EPB41L2: variants seen among roughly 807,000 people sequenced by gnomAD.
EPB41L2 encodes erythrocyte membrane protein band 4.1 like 2, also known as band 4.1-like protein 2.
Under a neutral mutation model 113.0 loss-of-function variants are expected in EPB41L2, and 43 were observed. The ratio of observed to expected loss-of-function variants is 0.38; its 90% CI spans 0.30 to 0.49. EPB41L2 has a LOEUF of 0.49. EPB41L2 is among the 20% of genes least tolerant of loss of function. EPB41L2 has a pLI of 0.95. For missense variants in EPB41L2, 1,147 were observed against 1,223.4 expected (o/e 0.94, Z 0.93); for synonymous variants, 442 against 436.7 (o/e 1.01, Z -0.15).
chr6:130,899,431 C>T, intron 8 of EPB41L2, 60 bp downstream of exon 8: 3 of 1,356,926 alleles, frequency 2.2e-6, no homozygotes, highest in Non-Finnish European at 2.1e-6. Context: ...AAACTGGAGC[C>T]CTCTCAAAAC....
rs185220296 is a variant in EPB41L2, at chr6:130,845,160, A to T, written c.*6-4562T>A. ...TTAAAATGTCTGTATTACCATTAAA[A>T]TATACACGAAGTGTAGCCTGCAGCC... On this transcript the variant is annotated intron_variant, in intron 19 of 19. Transcript: ENST00000337057. Among the ~76,000 whole-genome samples, 305 of 152,402 alleles carry T rather than the reference A, an allele frequency of 2.0e-3. 1 individual carries two copies. Among genetic ancestry groups the T allele is most frequent in the Non-Finnish European group, 3.5e-3 (238 of 68,040 alleles).
intron 1 of EPB41L2, among the ~76,000 whole-genome samples, chr6:131,037,585 A>AT (rs10685424): frequency 0.14 from 17,316 of 122,584 alleles, 1,438 homozygotes; most frequent in Admixed American, 0.16. Flanking sequence ...AAAACCTAAA[A>AT]TTTTTTTTTT....
intron 1 of EPB41L2, among the ~76,000 whole-genome samples, chr6:130,977,225 T>C (rs1051134961): frequency 2.6e-5 from 4 of 152,194 alleles, no homozygotes; most frequent in African/African-American, 9.6e-5. Context: ...TATAATACTC[T>C]ACATATGACT....
At chr6:131,011,097 G>A (rs573343503) in intron 1 of EPB41L2, among the ~76,000 whole-genome samples, 1 of 152,242 alleles carries the variant, frequency 6.6e-6, no homozygotes, top group Admixed American at 6.5e-5. Context: ...AAAATTTAGC[G>A]ACTGGCTATT....
intron 1 of EPB41L2, among the ~76,000 whole-genome samples, chr6:130,958,273 G>A (rs1340491271): frequency 2.0e-5 from 3 of 151,978 alleles, no homozygotes; most frequent in Non-Finnish European, 4.4e-5. Context: ...CCAACATGGC[G>A]AAACCCCATC....
intron 3 of EPB41L2, among the ~76,000 whole-genome samples, chr6:130,945,320 G>T (rs1378271593): frequency 6.6e-6 from 1 of 152,114 alleles, no homozygotes; most frequent in Admixed American, 6.6e-5. Context: ...TTGGATTTCC[G>T]AGACCCGAAC....
At chr6:130,928,257 A>G (rs12528626) in intron 3 of EPB41L2, among the ~76,000 whole-genome samples, 14,968 of 152,254 alleles carry the variant, frequency 0.098, 873 homozygotes, top group Admixed American at 0.14. Flanking sequence ...AATACAGCAT[A>G]GAGAATAAGA....
At chr6:130,921,514 C>A (rs1392225597) in intron 4 of EPB41L2, among the ~76,000 whole-genome samples, 2 of 152,184 alleles carry the variant, frequency 1.3e-5, no homozygotes, top group Non-Finnish European at 2.9e-5. Flanking sequence ...GCCACATCCT[C>A]CAGCCCTCCG....
At chr6:131,039,832 A>G in intron 1 of EPB41L2, among the ~76,000 whole-genome samples, 1 of 151,948 alleles carries the variant, frequency 6.6e-6, no homozygotes. Context: ...TCAAAAAGAG[A>G]AACACAACCA....
rs751536554 is a variant in EPB41L2, at chr6:130,885,262, A to G, written c.1667T>C (p.Ile556Thr). ...CATAAGACTTTGGTCCATGACACCAATCGGAGCTAGTAAAGAGTGACAATT... is the reference window on the plus strand; with the variant it reads ...CATAAGACTTTGGTCCATGACACCAGTCGGAGCTAGTAAAGAGTGACAATT... ...RVSRSLDGAPIGVMDQSLMKD... is the reference protein window; with the variant it reads ...RVSRSLDGAPTGVMDQSLMKD... The change falls in exon 12 of 20, where the codon ATT (isoleucine) becomes ACT (threonine). Residue 556 changes from isoleucine to threonine, a missense_variant. Physicochemically the swap from Ile to Thr is moderately conservative, Grantham distance 89. Coordinates refer to ENST00000337057, the MANE Select transcript of EPB41L2 (RefSeq NM_001431.4). The G allele has an allele frequency of 6.8e-6, 11 of 1,613,972 alleles. No individual in the cohort carries two copies. The East Asian group carries it at 1.6e-4, about 23-fold the overall frequency.
At position 130,940,674 on chromosome 6, in the gene EPB41L2, C is replaced by T. The variant is rs572759334; in HGVS notation, c.706-13965G>A. On this transcript the variant is annotated intron_variant, in intron 3 of 19. Coordinates refer to ENST00000337057, the MANE Select transcript of EPB41L2 (RefSeq NM_001431.4). ...TAGAGATGGGGTTTCATCACATTGG[C>T]CAGGTTAGTCTCAAATTCCTGACCT... is the stretch of plus-strand genomic sequence containing the variant. Among the ~76,000 whole-genome samples the T allele has an allele frequency of 2.6e-4, 40 of 152,122 alleles. 1 individual carries two copies. In the South Asian group the frequency reaches 8.1e-3, roughly 31 times the overall value.
At chr6:130,952,388 T>A (rs1815470484) in intron 3 of EPB41L2, among the ~76,000 whole-genome samples, 1 of 105,910 alleles carries the variant, frequency 9.4e-6, no homozygotes, top group South Asian at 3.2e-4. Flanking sequence ...ACAAAGAAAC[T>A]GTGACTCAGG....
At chr6:130,864,531 T>C (rs1729504418) in intron 17 of EPB41L2, among the ~76,000 whole-genome samples, 1 of 152,200 alleles carries the variant, frequency 6.6e-6, no homozygotes, top group Admixed American at 6.5e-5. Flanking sequence ...TGGGGCACAC[T>C]GGATGAGGCT....
intron 1 of EPB41L2, among the ~76,000 whole-genome samples, chr6:130,980,446 A>T (rs1238226522): frequency 2.0e-5 from 3 of 152,104 alleles, no homozygotes; most frequent in African/African-American, 7.2e-5. Context: ...ACCACAGAGA[A>T]GAGTTTAACC....
intron 1 of EPB41L2, among the ~76,000 whole-genome samples, chr6:130,987,932 G>A (rs980645662): frequency 4.0e-5 from 6 of 151,746 alleles, no homozygotes; most frequent in African/African-American, 1.2e-4. Flanking sequence ...GGGCAACATG[G>A]TGAGATCCCT....
intron 10 of EPB41L2, among the ~76,000 whole-genome samples, chr6:130,893,897 G>A (rs73000272): frequency 0.067 from 10,237 of 152,174 alleles, 528 homozygotes; most frequent in Admixed American, 0.13. Context: ...CTAAGAGGAG[G>A]GATAGTGGAA....
intron 19 of EPB41L2, among the ~76,000 whole-genome samples, chr6:130,851,817 T>C (rs541766489): frequency 2.6e-5 from 4 of 152,342 alleles, no homozygotes; most frequent in South Asian, 4.1e-4. Context: ...GCAGCTTGTG[T>C]CACCTCCGCC....
intron 1 of EPB41L2, among the ~76,000 whole-genome samples, 168 bp from the exon 2 acceptor site, chr6:130,956,667 C>T (rs182793330): frequency 6.6e-6 from 1 of 152,304 alleles, no homozygotes; most frequent in East Asian, 1.9e-4. Context: ...GAGACTGTTG[C>T]TCGAACTTTT....
chr6:130,966,845 G>C (rs972536971), intron 1 of EPB41L2, among the ~76,000 whole-genome samples: 1 of 152,002 alleles, frequency 6.6e-6, no homozygotes, highest in South Asian at 2.1e-4. Context: ...AATGAACATC[G>C]ACTCCAGCTC....
Sources: gnomAD v4.1 joint callset for allele counts (sites outside exome capture counted in the v4.1 genomes callset) on GRCh38, gnomAD v4.1.1 for gene constraint, MANE v1.5 for transcripts, NCBI Gene and HGNC (gene_info 2026-07-23, HGNC 2026-07-21) for gene names.